ANKFN1: variants seen among roughly 807,000 people sequenced by gnomAD.
ANKFN1 encodes ankyrin repeat and fibronectin type III domain containing 1, also known as ankyrin repeat and fibronectin type-III domain-containing protein 1.
Under a neutral mutation model 108.7 loss-of-function variants are expected in ANKFN1, and 74 were observed. That is an observed-to-expected ratio of 0.68 (90% CI 0.56 to 0.83). ANKFN1 has a LOEUF of 0.83. Ranked by LOEUF, ANKFN1 falls within the 40% of genes least tolerant of loss-of-function variation. The pLI is 0.00. For missense variants in ANKFN1, 1,505 were observed against 1,382.3 expected (o/e 1.09, Z -1.41); for synonymous variants, 547 against 516.2 (o/e 1.06, Z -0.81).
At position 56,467,743 on chromosome 17, in the gene ANKFN1, CAAAGAAAGAAAG is replaced by C. The variant is rs759980897; in HGVS notation, c.1773+1211_1773+1222del. ...AGAAAGAAAGAGAGAAAGAAAGAAA[CAAAGAAAGAAAG>C]AAAGAAAGAAAGAAAGAAAGAAAGA... On this transcript the variant is annotated intron_variant, in intron 15 of 20. Transcript: ENST00000682825. 1.7e-3 allele frequency among the ~76,000 whole-genome samples: 127 copies of C among 72,622 alleles called. 1 individual carries two copies. Among genetic ancestry groups the C allele is most frequent in the South Asian group, 0.01 (21 of 2,050 alleles). 47.6% of individuals were successfully genotyped at this position (72,622 alleles called of 152,430 possible). A position where few individuals can be genotyped will look rare whatever the true frequency, so the allele number is the denominator to read the frequency against.
At chr17:56,502,316 G>C (rs1306810586) in intron 20 of ANKFN1, among the ~76,000 whole-genome samples, 1 of 152,120 alleles carries the variant, frequency 6.6e-6, no homozygotes, top group Non-Finnish European at 1.5e-5. Context: ...TCTCACGTTG[G>C]CCTGAAGACG....
intron 1 of ANKFN1, among the ~76,000 whole-genome samples, chr17:56,167,626 C>T (rs1003947214): frequency 2.6e-5 from 4 of 152,042 alleles, no homozygotes; most frequent in African/African-American, 9.7e-5. Context: ...AGTTTAGTAA[C>T]ACCTCCAAAA....
rs1403476826 is a variant in ANKFN1, at chr17:56,399,841, TTTTATATA to T, written c.910+25129_910+25136del. 7.4e-3 allele frequency among the ~76,000 whole-genome samples: 324 copies of T among 44,000 alleles called. 1 individual carries two copies. Among genetic ancestry groups the T allele is most frequent in the African/African-American group, 0.024 (292 of 11,960 alleles). 28.9% of individuals were successfully genotyped at this position (44,000 alleles called of 152,430 possible). ...TTTTATGGCTGAGTAGTATTCCATT[TTTTATATA>T]TATATATATATATATATATATGTAT... is the stretch of plus-strand genomic sequence containing the variant. On this transcript the variant is annotated intron_variant, in intron 8 of 20. Coordinates refer to ENST00000682825, the MANE Select transcript of ANKFN1 (RefSeq NM_001370326.1).
chr17:56,510,339 A>G, intron 20 of ANKFN1, 134 bp from the exon 21 acceptor site: 3 of 747,132 alleles, frequency 4.0e-6, no homozygotes, highest in Non-Finnish European at 6.3e-6. Flanking sequence ...TCAGCATTTC[A>G]GGAGGTGACA....
At chr17:56,288,516 A>C (rs2044277051) in intron 3 of ANKFN1, among the ~76,000 whole-genome samples, 1 of 152,068 alleles carries the variant, frequency 6.6e-6, no homozygotes, top group Admixed American at 6.6e-5. Flanking sequence ...TATTCTTACA[A>C]TCAGAAAAGA....
At chr17:56,186,585 T>G (rs1912234901) in intron 1 of ANKFN1, among the ~76,000 whole-genome samples, 1 of 152,228 alleles carries the variant, frequency 6.6e-6, no homozygotes, top group Non-Finnish European at 1.5e-5. Context: ...AAGGTCATTT[T>G]GTGTAGAAGA....
intron 20 of ANKFN1, among the ~76,000 whole-genome samples, chr17:56,504,924 C>T (rs981388726): frequency 3.3e-5 from 5 of 151,310 alleles, no homozygotes; most frequent in South Asian, 2.1e-4. Context: ...CCACCCGCCT[C>T]GGCCTCCCAA....
At chr17:56,294,091 C>T (rs542381712) in intron 3 of ANKFN1, among the ~76,000 whole-genome samples, 10 of 152,272 alleles carry the variant, frequency 6.6e-5, no homozygotes, top group South Asian at 6.2e-4. Context: ...CCTCCATCAC[C>T]GTGAGACCTT....
chr17:56,097,278 A>C (rs1254717703), intron 4 of ANKFN1, among the ~76,000 whole-genome samples: 1 of 68,736 alleles, frequency 1.5e-5, no homozygotes, highest in Non-Finnish European at 4.1e-5. Flanking sequence ...CTTAAAAATG[A>C]AGATTTTGAA....
rs570367352 is a variant in ANKFN1 at position 56,429,697 on chromosome 17, G to A, written c.911-10630G>A. ...CAAGGTTTCTATGTAAGAAAGTATT[G>A]TGATAGGATTTATGCTTTGAAAAGA... On this transcript the variant is annotated intron_variant, in intron 8 of 20. Coordinates refer to ENST00000682825, the MANE Select transcript of ANKFN1 (RefSeq NM_001370326.1). Among the ~76,000 whole-genome samples the A allele has an allele frequency of 2.6e-5, 4 of 152,264 alleles. No individual in the cohort carries two copies. In the South Asian group the frequency reaches 6.2e-4, roughly 24 times the overall value.
chr17:56,477,393 T>C, intron 15 of ANKFN1, 95 bp from the exon 16 acceptor site: 1 of 1,265,254 alleles, frequency 7.9e-7, no homozygotes, highest in Non-Finnish European at 1.0e-6. Context: ...GCTCCTTTCA[T>C]TCATGACAAG....
intron 2 of ANKFN1, among the ~76,000 whole-genome samples, chr17:56,224,444 G>A (rs958740653): frequency 6.6e-6 from 1 of 152,140 alleles, no homozygotes; most frequent in African/African-American, 2.4e-5. Flanking sequence ...AGATTATTGT[G>A]TATCATAAAG....
intron 3 of ANKFN1, among the ~76,000 whole-genome samples, chr17:56,296,558 C>G (rs912725604): frequency 2.6e-5 from 4 of 152,128 alleles, no homozygotes; most frequent in African/African-American, 4.8e-5. Context: ...GTGGCGCATG[C>G]CTGTAGTCCC....
In ANKFN1 at chr17:56,204,209, G is replaced by C. The variant is rs2143773496; in HGVS notation, c.-70-8389G>C. Among the ~76,000 whole-genome samples, 2 of 152,228 alleles carry C rather than the reference G, an allele frequency of 1.3e-5. 1 individual carries two copies. Among genetic ancestry groups the C allele is most frequent in the South Asian group, 4.2e-4 (2 of 4,818 alleles). ...TTACAGGTGCCCGCCACCACACCTG[G>C]CTAGTTTTTGTATTTTTAGTATACC... On this transcript the variant is annotated intron_variant, in intron 1 of 20. Transcript: ENST00000682825.
At chr17:56,446,373 C>A (rs2049286960) in intron 10 of ANKFN1, among the ~76,000 whole-genome samples, 2 of 152,186 alleles carry the variant, frequency 1.3e-5, no homozygotes, top group African/African-American at 2.4e-5. Flanking sequence ...AGAATAAACT[C>A]CTAATGGCCT....
intron 1 of ANKFN1, among the ~76,000 whole-genome samples, chr17:56,211,472 T>C (rs987027180): frequency 3.3e-5 from 5 of 152,226 alleles, no homozygotes; most frequent in Admixed American, 2.6e-4. Context: ...ATGCCTATTT[T>C]TTTTGTACCA....
chr17:56,367,292 A>G (rs1247742447), intron 6 of ANKFN1, among the ~76,000 whole-genome samples: 1 of 152,228 alleles, frequency 6.6e-6, no homozygotes, highest in Non-Finnish European at 1.5e-5. Context: ...AAATTTAGCA[A>G]TTGCAGGCAA....
chr17:56,072,845 A>G (rs917090867), intron 4 of ANKFN1, among the ~76,000 whole-genome samples: 23 of 152,192 alleles, frequency 1.5e-4, no homozygotes, highest in Admixed American at 3.9e-4. Flanking sequence ...AGGGAAAGGA[A>G]TATGTGCAGT....
At chr17:56,184,827 C>T (rs72831986) in intron 1 of ANKFN1, 7,238 of 152,234 alleles carry the variant, frequency 0.048, 193 homozygotes, top group Middle Eastern at 0.085. Context: ...GTCAGTTCAC[C>T]ACTTGTGGTA....
Sources: allele counts gnomAD v4.1 joint callset (sites outside exome capture counted in the v4.1 genomes callset), GRCh38; gene constraint gnomAD v4.1.1; transcripts MANE v1.5; gene names NCBI Gene and HGNC (gene_info 2026-07-23, HGNC 2026-07-21).